The following KTN1 variants were observed in gnomAD, a reference collection of about 807,000 sequenced individuals.
KTN1 encodes the protein kinectin 1, also known as kinectin.
In KTN1, 130 loss-of-function variants were observed where a neutral mutation model predicts 222.5. The observed-to-expected ratio is 0.58, with a 90% CI of 0.51 to 0.68. The LOEUF is 0.68. KTN1 is among the 30% of genes least tolerant of loss of function. KTN1 has a pLI of 0.00. For synonymous variants in KTN1, 512 were observed against 496.3 expected, an observed-to-expected ratio of 1.03 and a Z score of -0.42; for missense variants, 1,508 against 1,500.4, an observed-to-expected ratio of 1.01 and a Z score of -0.08.
In KTN1 at chr14:55,615,892, T is replaced by TTCTCTCTTTCTTTCTC. The variant is rs1555365255; in HGVS notation, c.524-618_524-617insTTCTTTCTCTCTCTCT. On this transcript the variant is annotated intron_variant, in intron 2 of 43. Coordinates refer to ENST00000395314, the MANE Select transcript of KTN1 (RefSeq NM_001079521.2). ...TTCCTTTTCTTCTTTCTTTCTCTCT[T>TTCTCTCTTTCTTTCTC]TCTCTCTCTCTTTTCTTTCTTCTTT... Among the ~76,000 whole-genome samples the TTCTCTCTTTCTTTCTC allele has an allele frequency of 2.9e-3, 442 of 150,694 alleles. 1 individual carries two copies. The highest frequency in any genetic ancestry group is 3.8e-3 in the Non-Finnish European group (260 of 67,660).
At chr14:55,587,090 A>G (rs1255149488) in intron 1 of KTN1, among the ~76,000 whole-genome samples, 2 of 143,972 alleles carry the variant, frequency 1.4e-5, no homozygotes, top group East Asian at 2.2e-4. Context: ...AATATAAATA[A>G]TGTGAGGCAG....
In KTN1 at chr14:55,673,030, T is replaced by C; in HGVS notation, c.3687+18T>C. ...TCAGAGAGGTACTTACAACAGAATC[T>C]TTTCAAACTTGCTTCTCAATTCAGA... On this transcript the variant is annotated intron_variant, in intron 39 of 43. Transcript: ENST00000395314. 6.3e-7 allele frequency: 1 copy of C among 1,587,166 alleles called. No homozygotes were observed. The highest frequency in any genetic ancestry group is 1.3e-5 in the African/African-American group (1 of 74,448).
rs774010103 is a variant in KTN1, at chr14:55,619,300, T to TGCTTTAAAGAAGGTAAG, written c.952_963+5dup. 2.0e-5 allele frequency: 32 copies of TGCTTTAAAGAAGGTAAG among 1,613,514 alleles called. No individual in the cohort carries two copies. Among genetic ancestry groups the TGCTTTAAAGAAGGTAAG allele is most frequent in the Non-Finnish European group, 2.7e-5 (32 of 1,179,830 alleles). On this transcript the variant is annotated frameshift_variant, in exon 5 of 44. Coordinates refer to ENST00000395314, the MANE Select transcript of KTN1 (RefSeq NM_001079521.2). LOFTEE classifies it high-confidence loss of function. ...AGGAGAAGTCTGGTGTAATACAAGA[T>TGCTTTAAAGAAGGTAAG]GCTTTAAAGAAGGTAAGCGTGTTTT...
At chr14:55,667,441 C>G in intron 34 of KTN1, 111 bp downstream of exon 34, 1 of 555,374 alleles carries the variant, frequency 1.8e-6, no homozygotes, top group South Asian at 2.8e-5. Context: ...ATTTCTTGAT[C>G]TTTCCTATTG....
At chr14:55,680,573 C>G (rs2046275714) in intron 43 of KTN1, 1 of 554,956 alleles carries the variant, frequency 1.8e-6, no homozygotes, top group Non-Finnish European at 3.6e-6. Context: ...CTTTCAGAAC[C>G]CCTGATAATA....
At chr14:55,640,538 T>TA in intron 15 of KTN1, 96 bp downstream of exon 15, 1 of 793,158 alleles carries the variant, frequency 1.3e-6, no homozygotes, top group Non-Finnish European at 2.1e-6. Flanking sequence ...ATTGTGTAAG[T>TA]AAAAAATATA....
intron 1 of KTN1, among the ~76,000 whole-genome samples, chr14:55,604,596 A>G (rs1443144713): frequency 6.6e-6 from 1 of 152,052 alleles, no homozygotes; most frequent in Non-Finnish European, 1.5e-5. Context: ...ACTGCATACT[A>G]ATTGTTGGTC....
chr14:55,673,312 A>T (rs956830480), intron 40 of KTN1, 57 bp downstream of exon 40: 15 of 1,122,500 alleles, frequency 1.3e-5, no homozygotes, highest in Non-Finnish European at 2.0e-5. Context: ...CTTTATTGAC[A>T]TGTGGAGAAA....
chr14:55,654,839 A>G (rs778462698), intron 28 of KTN1, among the ~76,000 whole-genome samples: 6 of 152,012 alleles, frequency 3.9e-5, no homozygotes, highest in Non-Finnish European at 7.4e-5. Flanking sequence ...CCTGTGTTCT[A>G]CCTGTGTATC....
At chr14:55,616,681 T>C (rs1374509850) in intron 3 of KTN1, 27 bp downstream of exon 3, 7 of 1,559,448 alleles carry the variant, frequency 4.5e-6, no homozygotes, top group Non-Finnish European at 6.1e-6. Flanking sequence ...TGTATTTTTA[T>C]AATGCTAATT....
chr14:55,661,310 A>G, intron 31 of KTN1: 2 of 440,764 alleles, frequency 4.5e-6, no homozygotes, highest in Non-Finnish European at 8.0e-6. Flanking sequence ...TGAGCATACC[A>G]TATTAGGCAT....
intron 12 of KTN1, 67 bp from the exon 13 acceptor site, chr14:55,639,118 T>G (rs1307841880): frequency 2.0e-5 from 20 of 1,024,598 alleles, no homozygotes; most frequent in Non-Finnish European, 2.7e-5. Flanking sequence ...AAAGCTGTTA[T>G]GATTATTGTA....
chr14:55,642,308 C>T (rs1268646969), intron 18 of KTN1, among the ~76,000 whole-genome samples: 1 of 152,068 alleles, frequency 6.6e-6, no homozygotes, highest in East Asian at 1.9e-4. Context: ...AATTCTTTTC[C>T]CTTAGAGTAT....
intron 35 of KTN1, among the ~76,000 whole-genome samples, chr14:55,671,120 A>G (rs1477214993): frequency 2.6e-5 from 4 of 152,194 alleles, no homozygotes; most frequent in Non-Finnish European, 5.9e-5. Flanking sequence ...CGAGATAGGT[A>G]GAATCTCACT....
chr14:55,661,624 T>G lies in KTN1; in HGVS notation c.3090+12T>G. The G allele has an allele frequency of 7.2e-7, 1 of 1,396,180 alleles. No individual in the cohort carries two copies. The highest frequency in any genetic ancestry group is 1.0e-6 in the Non-Finnish European group (1 of 988,622). The allele number at this position is 1,396,180 out of a possible 1,614,324, so 86.5% of individuals were successfully genotyped here. A position where few individuals can be genotyped will look rare whatever the true frequency, so the allele number is the denominator to read the frequency against. On this transcript the variant is annotated intron_variant, in intron 32 of 43. Coordinates refer to ENST00000395314, the MANE Select transcript of KTN1 (RefSeq NM_001079521.2). ...GGAAGAAAAACAATGTAAGTAGATC[T>G]TTATCAGAATGAAGCTTTTCTTTTT...
At chr14:55,679,514 ATTTCT>A in intron 42 of KTN1, 46 bp from the exon 43 acceptor site, 1 of 1,494,118 alleles carries the variant, frequency 6.7e-7, no homozygotes, top group Non-Finnish European at 9.1e-7. Context: ...TTGGTTTTAC[ATTTCT>A]TTTCCTTGTG....
chr14:55,603,903 T>C (rs1293816255), intron 1 of KTN1, among the ~76,000 whole-genome samples: 1 of 152,216 alleles, frequency 6.6e-6, no homozygotes, highest in Non-Finnish European at 1.5e-5. Context: ...TATTCTCTCG[T>C]ACCCCACATC....
intron 5 of KTN1, among the ~76,000 whole-genome samples, chr14:55,626,609 A>G (rs929864249): frequency 1.8e-4 from 27 of 151,496 alleles, no homozygotes; most frequent in African/African-American, 5.6e-4. Flanking sequence ...GTTTCATTTT[A>G]TTTACTACTA....
At chr14:55,629,806 CTTTTGACCTTGCTTT>C in intron 6 of KTN1, 136 bp from the exon 7 acceptor site, 1 of 618,240 alleles carries the variant, frequency 1.6e-6, no homozygotes, top group South Asian at 2.1e-5. Flanking sequence ...TTTTTAAAAT[CTTTTGACCTTGCTTT>C]TTTTAAGCAA....
Sources: allele counts gnomAD v4.1 joint callset (sites outside exome capture counted in the v4.1 genomes callset), GRCh38; gene constraint gnomAD v4.1.1; transcripts MANE v1.5; gene names NCBI Gene and HGNC (gene_info 2026-07-23, HGNC 2026-07-21).